GPC2: variants seen among roughly 807,000 people sequenced by gnomAD.
The protein encoded by GPC2 is glypican 2.
Under a neutral mutation model 57.3 loss-of-function variants are expected in GPC2, and 42 were observed. The ratio of observed to expected loss-of-function variants is 0.73; its 90% CI spans 0.57 to 0.95. The LOEUF (loss-of-function observed/expected upper bound fraction) is 0.95. Ranked by LOEUF, GPC2 falls within the 40% of genes least tolerant of loss-of-function variation. The pLI, the probability that GPC2 is intolerant of heterozygous loss-of-function variation, is 0.00. For missense variants in GPC2, 745 were observed against 793.6 expected, an observed-to-expected ratio of 0.94 and a Z score of 0.74; for synonymous variants, 364 against 343.4, an observed-to-expected ratio of 1.06 and a Z score of -0.66.
At chr7:100,174,294 C>T (rs1799233000) in intron 4 of GPC2, 2 of 513,298 alleles carry the variant, frequency 3.9e-6, no homozygotes, top group East Asian at 7.0e-5. Context: ...GAAGGTGAGG[C>T]TGGGAGGTCA....
In GPC2 at chr7:100,172,702, T is replaced by TGTGTGTGTGTATATATATATATACATGC. The variant is rs1491339128; in HGVS notation, c.893-486_893-485insGCATGTATATATATATATACACACACAC. Among the ~76,000 whole-genome samples, 190 of 147,604 alleles carry TGTGTGTGTGTATATATATATATACATGC rather than the reference T, an allele frequency of 1.3e-3. 2 individuals carry two copies. The highest frequency in any genetic ancestry group is 4.6e-3 in the African/African-American group (184 of 39,764). ...GTGTGTGTGTATATATATATACGTG[T>TGTGTGTGTGTATATATATATATACATGC]ATATATATGTATATATACACGTATA... is the stretch of plus-strand genomic sequence containing the variant. On this transcript the variant is annotated intron_variant, in intron 5 of 9. Coordinates refer to ENST00000292377, the MANE Select transcript of GPC2 (RefSeq NM_152742.3).
In GPC2 at chr7:100,173,104, C is replaced by A. The variant is rs935497280; in HGVS notation, c.892+731G>T. 3.3e-5 allele frequency among the ~76,000 whole-genome samples: 5 copies of A among 152,026 alleles called. No homozygotes were observed. The South Asian group carries it at 1.0e-3, about 32-fold the overall frequency. ...AGCCAGGCTGGTCTCGAACTCCTGA[C>A]CTCTTGATCCACCCACCTCGGCCTC... is the stretch of plus-strand genomic sequence containing the variant. On this transcript the variant is annotated intron_variant, in intron 5 of 9. Transcript: ENST00000292377.
At chr7:100,176,982 C>CGGGGGG in intron 1 of GPC2, 52 bp downstream of exon 1, 3 of 329,966 alleles carry the variant, frequency 9.1e-6, no homozygotes, top group African/African-American at 2.4e-5. Context: ...GATGAGGAGG[C>CGGGGGG]CCCGCCCCCG....
Position 100,170,172 on chromosome 7 carries a change from A to AT in GPC2, c.*57_*58insA. 6.8e-7 allele frequency: 1 copy of AT among 1,475,436 alleles called. No individual in the cohort carries two copies. Among genetic ancestry groups the AT allele is most frequent in the East Asian group, 2.6e-5 (1 of 39,206 alleles). The allele number at this position is 1,475,436 out of a possible 1,614,324, so 91.4% of individuals were successfully genotyped here. On this transcript the variant is annotated 3_prime_UTR_variant, in exon 10 of 10. Transcript: ENST00000292377. Reference sequence around the variant, plus strand: ...TTCGACTCCTCCCCAGGCCCAGCTGAGGGGGGAGGAGGGGAAAGGGCCATG... The same window carrying AT: ...TTCGACTCCTCCCCAGGCCCAGCTGATGGGGGGAGGAGGGGAAAGGGCCATG...
chr7:100,176,651 C>G (rs1363720405), intron 1 of GPC2, among the ~76,000 whole-genome samples: 1 of 152,164 alleles, frequency 6.6e-6, no homozygotes, highest in Non-Finnish European at 1.5e-5. Context: ...CACCCCAGAC[C>G]TCGAGGGACT....
intron 5 of GPC2, among the ~76,000 whole-genome samples, chr7:100,172,842 C>T (rs1216003161): frequency 2.8e-5 from 4 of 144,152 alleles, no homozygotes; most frequent in Non-Finnish European, 4.5e-5. Context: ...TATTTTTTTC[C>T]GGTAGAGAAG....
chr7:100,175,894 T>A lies in GPC2; in HGVS notation c.326A>T (p.Glu109Val), dbSNP rs766783508. The A allele has an allele frequency of 1.2e-6, 2 of 1,612,368 alleles. No homozygotes were observed. The highest frequency in any genetic ancestry group is 8.5e-7 in the Non-Finnish European group (1 of 1,178,848). The change falls in exon 3 of 10, where the codon GAG becomes GTG. Residue 109 changes from glutamate to valine, a missense_variant and splice_region_variant. By Grantham distance (121) the Glu-to-Val change is moderately radical (BLOSUM62 -2). Transcript: ENST00000292377. ...TACTGAGAGCATCTCCAGAAAAAAC[T>A]CTGCAGCAAATGCAGGGAACAGGTG... ...TLAARHRKFDEFFLEMLSVAQ... is the reference protein window; with the variant it reads ...TLAARHRKFDVFFLEMLSVAQ...
Position 100,170,260 on chromosome 7 carries a change from G to C in GPC2, c.1710C>G (p.Leu570=), listed in dbSNP as rs373220994. 3.8e-6 allele frequency: 6 copies of C among 1,573,286 alleles called. No homozygotes were observed. The highest frequency in any genetic ancestry group is 1.7e-4 in the Middle Eastern group (1 of 6,012). Residue 570 remains leucine, a synonymous_variant, in exon 10 of 10, where the codon CTC becomes CTG. Transcript: ENST00000292377. ...FHTQTILILS[L]SALALLGPR is the part of the protein sequence containing the mutation. ...GAGGTCCAAGCAGGGCCAGGGCTGA[G>C]AGGGAGAGAATGAGGATGGTTTGGG...
chr7:100,174,613 C>T (rs1015792465), intron 4 of GPC2, 72 bp downstream of exon 4: 1 of 1,159,108 alleles, frequency 8.6e-7, no homozygotes, highest in Non-Finnish European at 1.3e-6. Flanking sequence ...GTGGCTGTTT[C>T]TTCCTTGTGG....
chr7:100,175,702 C>G lies in GPC2; in HGVS notation c.518G>C (p.Arg173Thr). 1 of 1,614,152 alleles carries G rather than the reference C, an allele frequency of 6.2e-7. No homozygotes were observed. Residue 173 changes from arginine (R) to threonine (T), a missense_variant, in exon 3 of 10, where the codon AGA becomes ACA. Transcript: ENST00000292377. Reference sequence around the variant, plus strand: ...CTGTGGGTGCAGCAGCGGGAACACTCTCTCCAGGAGCTGTGCCCAGAAATC... The same window carrying G: ...CTGTGGGTGCAGCAGCGGGAACACTGTCTCCAGGAGCTGTGCCCAGAAATC... ...LADFWAQLLE[R>T]VFPLLHPQYS...
intron 3 of GPC2, among the ~76,000 whole-genome samples, chr7:100,175,141 C>T (rs1376604637): frequency 6.6e-6 from 1 of 152,206 alleles, no homozygotes; most frequent in African/African-American, 2.4e-5. Flanking sequence ...AAAATAAGGG[C>T]ATGACTGTCT....
chr7:100,171,689 G>A lies in GPC2; in HGVS notation c.1171-11C>T, dbSNP rs560074332. 1.1e-5 allele frequency: 16 copies of A among 1,482,692 alleles called. No homozygotes were observed. The highest frequency in any genetic ancestry group is 2.4e-4 in the Middle Eastern group (1 of 4,164). 91.8% of individuals were successfully genotyped at this position (1,482,692 alleles called of 1,614,324 possible). On this transcript the variant is annotated splice_polypyrimidine_tract_variant and intron_variant, in intron 7 of 9. Transcript: ENST00000292377. The surrounding 1 kb of genome is among the most constrained non-coding windows in gnomAD (Gnocchi z 4.8). ...GCGGAGCTCCCACACCTGGGCGGGC[G>A]AGAGGGGGCGGGGCGAGCTGGAGCG...
At position 100,170,009 on chromosome 7, in the gene GPC2, A is replaced by G; in HGVS notation, c.*221T>C. 1 of 467,694 alleles carries G rather than the reference A, an allele frequency of 2.1e-6. No homozygotes were observed. Among genetic ancestry groups the G allele is most frequent in the Non-Finnish European group, 3.8e-6 (1 of 265,820 alleles). The allele number at this position is 467,694 out of a possible 1,614,324, so 29.0% of individuals were successfully genotyped here. On this transcript the variant is annotated 3_prime_UTR_variant, in exon 10 of 10. Coordinates refer to ENST00000292377, the MANE Select transcript of GPC2 (RefSeq NM_152742.3). ...AAACCACACTCCCTCCTAAATAAAT[A>G]CCCCCAGGCCCCCCTCCCATTACCA...
Position 100,171,287 on chromosome 7 carries a change from C to T in GPC2, c.1460G>A (p.Gly487Glu). 6.5e-7 allele frequency: 1 copy of T among 1,536,478 alleles called. No homozygotes were observed. Among genetic ancestry groups the T allele is most frequent in the Non-Finnish European group, 8.8e-7 (1 of 1,140,390 alleles). ...ATARMKTAAL[G>E]HDLDGQDADE... ...CGCGTCCTGCCCGTCCAGGTCGTGT[C>T]CCAGTGCGGCCGTTTTCATTCTGGC... Residue 487 changes from glycine to glutamate, a missense_variant, in exon 9 of 10, where the codon GGA (glycine) becomes GAA (glutamate). By Grantham distance (98) the Gly-to-Glu change is moderately conservative. Transcript: ENST00000292377. This position sits in a 1 kb window ranked among gnomAD's most constrained non-coding sequence, Gnocchi z 4.8.
chr7:100,170,864 G>A (rs943155089), intron 9 of GPC2, among the ~76,000 whole-genome samples: 23 of 152,218 alleles, frequency 1.5e-4, no homozygotes, highest in Middle Eastern at 3.4e-3. Flanking sequence ...CAGATAGAAG[G>A]AGAGAAGAAA....
At position 100,170,369 on chromosome 7, in the gene GPC2, C is replaced by T. The variant is rs1799156994; in HGVS notation, c.1601G>A (p.Gly534Asp). The change falls in exon 10 of 10, where the codon GGT (glycine) becomes GAT (aspartate). Residue 534 changes from glycine to aspartate, a missense_variant. Transcript: ENST00000292377. ...PRPPYPPRRD[G>D]SGGKGGGGSA... ...GCCACCTCCTCCTTTGCCCCCAGAA[C>T]CATCCCTTCTAGGAGGGTATGGAGG... The T allele has an allele frequency of 6.2e-7, 1 of 1,613,342 alleles. No homozygotes were observed. The highest frequency in any genetic ancestry group is 8.5e-7 in the Non-Finnish European group (1 of 1,179,762).
Position 100,171,229 on chromosome 7 carries a change from G to A in GPC2, c.1486+32C>T. ...GGGGAGAGGCTTCAGGGCAGTGGGC[G>A]GGGCTCAGGCTCAGGGATGCAGGGG... On this transcript the variant is annotated intron_variant, in intron 9 of 9. Coordinates refer to ENST00000292377, the MANE Select transcript of GPC2 (RefSeq NM_152742.3). This position sits in a 1 kb window ranked among gnomAD's most constrained non-coding sequence, Gnocchi z 4.8. The A allele has an allele frequency of 6.7e-7, 1 of 1,503,268 alleles. No individual in the cohort carries two copies. Among genetic ancestry groups the A allele is most frequent in the Non-Finnish European group, 8.9e-7 (1 of 1,124,610 alleles). The allele number at this position is 1,503,268 out of a possible 1,614,324, so 93.1% of individuals were successfully genotyped here. A position where few individuals can be genotyped will look rare whatever the true frequency, so the allele number is the denominator to read the frequency against.
chr7:100,175,230 G>C (rs181819861), intron 3 of GPC2, among the ~76,000 whole-genome samples: 1 of 152,344 alleles, frequency 6.6e-6, no homozygotes, highest in Non-Finnish European at 1.5e-5. Context: ...CACAATTCCT[G>C]TTTAGTTGAA....
chr7:100,177,008 T>A (rs1468634204), intron 1 of GPC2, 26 bp downstream of exon 1: 1 of 374,702 alleles, frequency 2.7e-6, no homozygotes, highest in African/African-American at 2.5e-5. Flanking sequence ...CACCCCCAAT[T>A]CTCTAGTCTT....
Sources: gnomAD v4.1 joint callset for allele counts (sites outside exome capture counted in the v4.1 genomes callset) on GRCh38, gnomAD v4.1.1 for gene constraint, Gnocchi (gnomAD v3.1) non-coding constraint, MANE v1.5 for transcripts, NCBI Gene and HGNC (gene_info 2026-07-23, HGNC 2026-07-21) for gene names.